Variants in POLA1 observed in about 807,000 individuals in gnomAD.
POLA1 encodes the protein DNA polymerase alpha catalytic subunit.
A neutral mutation model predicts 124.0 loss-of-function variants in POLA1; 15 were observed. The observed-to-expected ratio is 0.12, with a 90% CI of 0.08 to 0.19. The LOEUF (loss-of-function observed/expected upper bound fraction) is 0.19, where lower values mean the gene tolerates loss of function less well. Among genes scored for constraint, POLA1 ranks in the 10% least tolerant of loss-of-function variants. The probability of loss-of-function intolerance (pLI) is 1.00; values close to 1 mark genes in which losing one functional copy is unlikely to be tolerated. For missense variants in POLA1, 886 were observed against 1,103.4 expected, an observed-to-expected ratio of 0.80 and a Z score of 2.79; for synonymous variants, 408 against 389.4, an observed-to-expected ratio of 1.05 and a Z score of -0.56.
intron 4 of POLA1, among the ~76,000 whole-genome samples, chrX:24,710,814 G>A (rs963677279): frequency 4.6e-5 from 5 of 108,130 alleles, no homozygotes; most frequent in African/African-American, 1.0e-4. Flanking sequence ...TTACAGGCAC[G>A]CGCCACCATA....
At chrX:24,947,324 T>C (rs952676886) in intron 36 of POLA1, among the ~76,000 whole-genome samples, 18 of 86,853 alleles carry the variant, frequency 2.1e-4, no homozygotes, top group South Asian at 8.0e-4. Context: ...CTAGAGTGCA[T>C]TGGCGCAATC....
In POLA1 at chrX:24,843,648, A is replaced by G; in HGVS notation, c.4018A>G (p.Ile1340Val). ...ACTGAGCAACAAATTGATCATGGACATTAGACGTTTCATTAAAAAGTACTA... is the reference window on the plus strand; with the variant it reads ...ACTGAGCAACAAATTGATCATGGACGTTAGACGTTTCATTAAAAAGTACTA... ...VQLSNKLIMD[I>V]RRFIKKYYDG... The change falls in exon 34 of 37, where the codon ATT (isoleucine) becomes GTT (valine). Residue 1340 changes from isoleucine (I) to valine (V), a missense_variant. By Grantham distance (29) the Ile-to-Val change is conservative. This residue lies in a region of POLA1 where 313 missense variants were observed against 359.7 expected (regional missense o/e 0.87). Coordinates refer to ENST00000379068, the MANE Select transcript of POLA1 (RefSeq NM_001330360.2). 2 of 1,176,811 alleles carry G rather than the reference A, an allele frequency of 1.7e-6. No homozygotes were observed. The highest frequency in any genetic ancestry group is 2.3e-6 in the Non-Finnish European group (2 of 870,586).
intron 35 of POLA1, among the ~76,000 whole-genome samples, chrX:24,888,631 G>A (rs1412801916): frequency 2.3e-5 from 2 of 87,441 alleles, no homozygotes; most frequent in Non-Finnish European, 4.3e-5. Flanking sequence ...TTTTTTTGAC[G>A]GAGTCTTGCT....
At chrX:24,747,404 AT>A (rs1219892406) in intron 24 of POLA1, among the ~76,000 whole-genome samples, 1 of 110,610 alleles carries the variant, frequency 9.0e-6, no homozygotes, top group Non-Finnish European at 1.9e-5. Flanking sequence ...ACCTCAGGTG[AT>A]CCACCCGCCT....
intron 36 of POLA1, among the ~76,000 whole-genome samples, chrX:24,963,121 A>G (rs1262142123): frequency 8.9e-6 from 1 of 112,003 alleles, no homozygotes; most frequent in East Asian, 2.8e-4. Flanking sequence ...ACCCCAAAAC[A>G]TACACATAGA....
intron 29 of POLA1, among the ~76,000 whole-genome samples, chrX:24,813,805 C>T (rs1234497037): frequency 1.3e-4 from 11 of 87,993 alleles, no homozygotes; most frequent in Middle Eastern, 6.3e-3. Flanking sequence ...AGAAGTGAGA[C>T]GCCGTCAAAA....
At chrX:24,988,797 C>G (rs2048504743) in intron 36 of POLA1, among the ~76,000 whole-genome samples, 1 of 111,326 alleles carries the variant, frequency 9.0e-6, no homozygotes. Context: ...AAGACCCTGT[C>G]TCTACTAAAA....
intron 36 of POLA1, among the ~76,000 whole-genome samples, chrX:24,974,138 A>G (rs980872391): frequency 1.8e-5 from 2 of 111,147 alleles, no homozygotes; most frequent in East Asian, 2.8e-4. Context: ...TAACAGAGGG[A>G]TGGTCATCTT....
intron 36 of POLA1, among the ~76,000 whole-genome samples, chrX:24,993,759 T>C (rs2048564140): frequency 8.9e-6 from 1 of 111,780 alleles, no homozygotes; most frequent in Non-Finnish European, 1.9e-5. Context: ...TTAAATTCTC[T>C]TTGGGGAAGC....
chrX:24,961,175 T>C (rs1041387116), intron 36 of POLA1, among the ~76,000 whole-genome samples: 43 of 111,000 alleles, frequency 3.9e-4, no homozygotes, highest in African/African-American at 1.4e-3. Context: ...TGCCTCCCAC[T>C]ACAAAACTGT....
chrX:24,853,421 C>G (rs1256083744), intron 34 of POLA1, among the ~76,000 whole-genome samples: 4 of 112,051 alleles, frequency 3.6e-5, no homozygotes, highest in African/African-American at 1.3e-4. Flanking sequence ...ATTGCTCTGT[C>G]TTGCACTTTG....
intron 36 of POLA1, among the ~76,000 whole-genome samples, chrX:24,978,393 A>G (rs2048389086): frequency 8.9e-6 from 1 of 111,822 alleles, no homozygotes; most frequent in Non-Finnish European, 1.9e-5. Context: ...TCTTTTTTAC[A>G]TATTACCTCA....
intron 1 of POLA1, among the ~76,000 whole-genome samples, chrX:24,696,050 T>G (rs778687405): frequency 8.9e-6 from 1 of 112,840 alleles, no homozygotes; most frequent in African/African-American, 3.2e-5. Context: ...TGTGTTTGAC[T>G]TCACACGCGG....
At chrX:24,727,414 G>A (rs139260938) in intron 14 of POLA1, among the ~76,000 whole-genome samples, 27 of 111,409 alleles carry the variant, frequency 2.4e-4, no homozygotes, top group African/African-American at 7.8e-4. Context: ...GATAGTGCAT[G>A]TTTTTCCTGT....
Position 24,794,589 on chromosome X carries a change from A to C in POLA1, c.2965-15309A>C, listed in dbSNP as rs1395897599. Among the ~76,000 whole-genome samples, 4 of 112,333 alleles carry C rather than the reference A, an allele frequency of 3.6e-5. No individual in the cohort carries two copies. In the Admixed American group the frequency reaches 3.8e-4, roughly 11 times the overall value. On this transcript the variant is annotated intron_variant, in intron 26 of 36. Coordinates refer to ENST00000379068, the MANE Select transcript of POLA1 (RefSeq NM_001330360.2). Reference sequence around the variant, plus strand: ...TTTTCCCCTGCACAATATATTAACTAAGCAGAAAATTTAAAAGAACAAAGA... The same window carrying C: ...TTTTCCCCTGCACAATATATTAACTCAGCAGAAAATTTAAAAGAACAAAGA...
intron 34 of POLA1, among the ~76,000 whole-genome samples, chrX:24,873,846 T>C (rs937471764): frequency 1.8e-5 from 2 of 111,799 alleles, no homozygotes; most frequent in East Asian, 2.8e-4. Flanking sequence ...TGGCATTTTA[T>C]TCTGTAATGA....
At chrX:24,953,005 C>G (rs1331601176) in intron 36 of POLA1, among the ~76,000 whole-genome samples, 2 of 112,244 alleles carry the variant, frequency 1.8e-5, no homozygotes, top group Non-Finnish European at 3.8e-5. Context: ...AAATCCTTTA[C>G]TGATGAACTG....
At chrX:24,740,704 G>C (rs1931582040) in intron 20 of POLA1, among the ~76,000 whole-genome samples, 1 of 111,228 alleles carries the variant, frequency 9.0e-6, no homozygotes, top group South Asian at 3.8e-4. Context: ...GGAACTGTCA[G>C]ATTTGCACGC....
chrX:24,698,518 A>G lies in POLA1; in HGVS notation c.44-907A>G, dbSNP rs11573306. ...TTGAATTTCCGGGTGCTTTGGCTGA[A>G]TCTCTTTTAAGGCATTTATTATCTC... On this transcript the variant is annotated intron_variant, in intron 1 of 36. Coordinates refer to ENST00000379068, the MANE Select transcript of POLA1 (RefSeq NM_001330360.2). 5.2e-3 allele frequency among the ~76,000 whole-genome samples: 576 copies of G among 111,382 alleles called. 14 individuals carry two copies. The Admixed American group carries it at 0.052, about 10-fold the overall frequency.
Sources: gnomAD v4.1 joint callset for allele counts (sites outside exome capture counted in the v4.1 genomes callset) on GRCh38, gnomAD v4.1.1 for gene constraint, gnomAD v4.1.1 regional missense constraint, MANE v1.5 for transcripts, NCBI Gene and HGNC (gene_info 2026-07-23, HGNC 2026-07-21) for gene names.